The following MORN1 variants were observed in gnomAD, a reference collection of about 807,000 sequenced individuals.
MORN1 encodes MORN repeat containing 1, also known as MORN repeat-containing protein 1.
Under a neutral mutation model 61.9 loss-of-function variants are expected in MORN1, and 67 were observed. The ratio of observed to expected loss-of-function variants is 1.08; its 90% CI spans 0.89 to 1.33. The LOEUF (loss-of-function observed/expected upper bound fraction) is 1.33, where lower values mean the gene tolerates loss of function less well. MORN1 is among the 40% of genes most tolerant of loss of function. The pLI, the probability that MORN1 is intolerant of heterozygous loss-of-function variation, is 0.00. For synonymous variants in MORN1, 301 were observed against 292.0 expected (o/e 1.03, Z -0.31); for missense variants, 752 against 691.2 (o/e 1.09, Z -0.99).
rs544332605 is a variant in MORN1, at chr1:2,357,025, G to A, written c.1036+407C>T. ...AAACCCTGACCTCGAGAGAGCAGTC[G>A]GCGCCGCGGCCCCCAGAGCCATGGC... On this transcript the variant is annotated intron_variant, in intron 10 of 13. Transcript: ENST00000378531. This position sits in a 1 kb window ranked among gnomAD's most constrained non-coding sequence, Gnocchi z 6.3. 1.3e-5 allele frequency among the ~76,000 whole-genome samples: 2 copies of A among 152,256 alleles called. No individual in the cohort carries two copies. The highest frequency in any genetic ancestry group is 1.9e-4 in the East Asian group (1 of 5,164).
chr1:2,327,507 C>A (rs1557866641), intron 12 of MORN1, among the ~76,000 whole-genome samples: 1 of 151,930 alleles, frequency 6.6e-6, no homozygotes, highest in African/African-American at 2.4e-5. Flanking sequence ...GAAACAAACA[C>A]AGAGACACAG....
chr1:2,347,997 G>A (rs923196263), intron 10 of MORN1, among the ~76,000 whole-genome samples: 3 of 152,202 alleles, frequency 2.0e-5, no homozygotes, highest in African/African-American at 7.2e-5. Flanking sequence ...AGCCGTCCCG[G>A]GGCAGGGCAC....
At chr1:2,328,293 G>C (rs1281721738) in intron 12 of MORN1, among the ~76,000 whole-genome samples, 1 of 152,250 alleles carries the variant, frequency 6.6e-6, no homozygotes, top group Admixed American at 6.5e-5. Context: ...AGGCCCAGGG[G>C]ACCCCCTTCC....
rs552881112 is a variant in MORN1 at position 2,323,196 on chromosome 1, G to A, written c.1297+901C>T. The A allele has an allele frequency of 7.8e-5, 77 of 985,400 alleles. No individual in the cohort carries two copies. In the East Asian group the frequency reaches 1.6e-3, roughly 20 times the overall value. The allele number at this position is 985,400 out of a possible 1,614,324, so 61.0% of individuals were successfully genotyped here. A position where few individuals can be genotyped will look rare whatever the true frequency, so the allele number is the denominator to read the frequency against. On this transcript the variant is annotated intron_variant, in intron 13 of 13. Coordinates refer to ENST00000378531, the MANE Select transcript of MORN1 (RefSeq NM_024848.3). ...CTGCTGTGGGACCACGGGGGACACC[G>A]CGTGGCACTCCAGCCGCTCCCGTCA...
intron 8 of MORN1, among the ~76,000 whole-genome samples, chr1:2,361,623 A>G (rs1245816091): frequency 1.3e-5 from 2 of 152,176 alleles, no homozygotes; most frequent in Non-Finnish European, 2.9e-5. Context: ...GATGAAAATT[A>G]TAATGTATGA....
chr1:2,358,561 G>A (rs777467699), intron 9 of MORN1, 31 bp downstream of exon 9: 1 of 1,613,614 alleles, frequency 6.2e-7, no homozygotes. Flanking sequence ...AACAAACTCA[G>A]AACTAACTCA....
chr1:2,385,004 G>C lies in MORN1; in HGVS notation c.511C>G (p.Arg171Gly). 6.3e-7 allele frequency: 1 copy of C among 1,594,196 alleles called. No homozygotes were observed. The highest frequency in any genetic ancestry group is 8.5e-7 in the Non-Finnish European group (1 of 1,171,972). The change falls in exon 6 of 14, where the codon CGC (arginine) becomes GGC (glycine). Residue 171 changes from arginine (R) to glycine (G), a missense_variant. Arg to Gly is a moderately radical substitution (Grantham distance 125). Coordinates refer to ENST00000378531, the MANE Select transcript of MORN1 (RefSeq NM_024848.3). ...RDRRQGHGVL[R>G]CADGSTYKGQ... ...TTGTAGGTGGAGCCGTCGGCGCAGC[G>C]CAGCACCCCGTGTCCCTGACGCCGG...
At chr1:2,355,202 T>A in intron 10 of MORN1, 5 of 1,273,848 alleles carry the variant, frequency 3.9e-6, no homozygotes, top group African/African-American at 1.5e-5. Context: ...TGCAGAAATA[T>A]GAGAGCTATT....
chr1:2,374,393 T>C (rs1266323084), intron 7 of MORN1, 68 bp downstream of exon 7: 20 of 1,410,918 alleles, frequency 1.4e-5, no homozygotes, highest in Non-Finnish European at 2.0e-5. Flanking sequence ...CCCATATGGC[T>C]GCCCGGGGGC....
rs1569900077 is a variant in MORN1, at chr1:2,324,056, A to C, written c.1297+41T>G. On this transcript the variant is annotated intron_variant, in intron 13 of 13. Coordinates refer to ENST00000378531, the MANE Select transcript of MORN1 (RefSeq NM_024848.3). The stretch of plus-strand genomic sequence containing the variant: ...GGGCTGCGGCCTCGCCTCTCCAGAC[A>C]GTGGCACAGCCGGCGATGGACTTGG... The C allele has an allele frequency of 1.9e-6, 3 of 1,571,760 alleles. No homozygotes were observed. In the South Asian group the frequency reaches 3.5e-5, roughly 18 times the overall value.
chr1:2,343,738 G>A (rs367672775), intron 10 of MORN1, among the ~76,000 whole-genome samples: 2 of 152,178 alleles, frequency 1.3e-5, no homozygotes, highest in African/African-American at 2.4e-5. Flanking sequence ...GCAGGAGGAC[G>A]CACAGCCGCA....
At chr1:2,378,102 G>C (rs1642284157) in intron 6 of MORN1, 1 of 152,326 alleles carries the variant, frequency 6.6e-6, no homozygotes, top group African/African-American at 2.4e-5. Flanking sequence ...GTGAGGACCA[G>C]GGGTCCTGCA....
intron 8 of MORN1, among the ~76,000 whole-genome samples, chr1:2,364,515 G>A (rs1474234036): frequency 6.8e-6 from 1 of 146,242 alleles, no homozygotes; most frequent in Admixed American, 6.9e-5. Flanking sequence ...TGGGTTGCCT[G>A]TTCACTCTGA....
At position 2,336,509 on chromosome 1, in the gene MORN1, C is replaced by A; in HGVS notation, c.1210G>T (p.Gly404Trp). ...GGCTCCTGTGCCGTGGGTGGTGTCC[C>A]CCTGGGGTGCAGGCCGCCTCTGGAT... is the stretch of plus-strand genomic sequence containing the variant. The part of the protein sequence containing the change: ...GRSRGGLHPR[G>W]TPPTAQEPPG... Residue 404 changes from glycine to tryptophan, a missense_variant, in exon 12 of 14, where the codon GGG (glycine) becomes TGG (tryptophan). Coordinates refer to ENST00000378531, the MANE Select transcript of MORN1 (RefSeq NM_024848.3). 1.2e-6 allele frequency: 2 copies of A among 1,612,746 alleles called. No homozygotes were observed. Among genetic ancestry groups the A allele is most frequent in the Non-Finnish European group, 1.7e-6 (2 of 1,179,824 alleles).
At chr1:2,383,463 C>T (rs1194245508) in intron 6 of MORN1, among the ~76,000 whole-genome samples, 1 of 152,190 alleles carries the variant, frequency 6.6e-6, no homozygotes, top group Non-Finnish European at 1.5e-5. Context: ...CCTCCTAGTT[C>T]CAGGGACCAT....
At position 2,336,809 on chromosome 1, in the gene MORN1, C is replaced by G. The variant is rs752393802; in HGVS notation, c.1078G>C (p.Val360Leu). Reference protein sequence around the residue: ...APHCPGACQRVEQGCAEFTDV... With the variant: ...APHCPGACQRLEQGCAEFTDV... ...GTGAACTCGGCACAGCCCTGCTCCA[C>G]TCGCTGACAGGCCCCGGGACAATGG... Residue 360 changes from valine to leucine, a missense_variant, in exon 11 of 14, where the codon GTG becomes CTG. Transcript: ENST00000378531. 5.6e-6 allele frequency: 9 copies of G among 1,599,950 alleles called. No individual in the cohort carries two copies. The highest frequency in any genetic ancestry group is 7.7e-6 in the Non-Finnish European group (9 of 1,174,114).
In MORN1 at chr1:2,335,913, C is replaced by T. The variant is rs577176252; in HGVS notation, c.1250+556G>A. ...GTGGCAGCTGTTGCTGGACTCCGAG[C>T]CCCGAGCCCCAGCTTCCTCCTGGTA... On this transcript the variant is annotated intron_variant, in intron 12 of 13. Coordinates refer to ENST00000378531, the MANE Select transcript of MORN1 (RefSeq NM_024848.3). Among the ~76,000 whole-genome samples, 3 of 151,210 alleles carry T rather than the reference C, an allele frequency of 2.0e-5. No individual in the cohort carries two copies. In the South Asian group the frequency reaches 6.2e-4, roughly 31 times the overall value.
At chr1:2,345,262 C>A (rs924283243) in intron 10 of MORN1, among the ~76,000 whole-genome samples, 9 of 152,250 alleles carry the variant, frequency 5.9e-5, no homozygotes, top group Non-Finnish European at 5.9e-5. Context: ...GCCCCGGCAC[C>A]TCCAAGCCAT....
intron 2 of MORN1, chr1:2,388,550 G>A (rs572260516): frequency 1.5e-5 from 8 of 516,790 alleles, no homozygotes; most frequent in Middle Eastern, 1.0e-3. Flanking sequence ...CCTTCAGCCA[G>A]AACAAGCACA....
Sources: gnomAD v4.1 joint callset for allele counts (sites outside exome capture counted in the v4.1 genomes callset) on GRCh38, gnomAD v4.1.1 for gene constraint, Gnocchi (gnomAD v3.1) non-coding constraint, MANE v1.5 for transcripts, NCBI Gene and HGNC (gene_info 2026-07-23, HGNC 2026-07-21) for gene names.